PARD3: variants seen among roughly 807,000 people sequenced by gnomAD.
PARD3 encodes the protein par-3 family cell polarity regulator, also known as partitioning defective 3 homolog.
In PARD3, 75 loss-of-function variants were observed where a neutral mutation model predicts 155.4. That is an observed-to-expected ratio of 0.48 (90% CI 0.40 to 0.58). The LOEUF (loss-of-function observed/expected upper bound fraction) is 0.58, where lower values mean the gene tolerates loss of function less well. Among genes scored for constraint, PARD3 ranks in the 20% least tolerant of loss-of-function variants. PARD3 has a pLI of 0.00. For synonymous variants in PARD3, 576 were observed against 610.5 expected (o/e 0.94, Z 0.83); for missense variants, 1,642 against 1,721.7 (o/e 0.95, Z 0.82).
At chr10:34,747,187 T>A (rs998027351) in intron 1 of PARD3, among the ~76,000 whole-genome samples, 2 of 152,252 alleles carry the variant, frequency 1.3e-5, no homozygotes, top group Non-Finnish European at 2.9e-5. Context: ...ATTTTCTGAC[T>A]GGTTTGCTTT....
intron 3 of PARD3, among the ~76,000 whole-genome samples, chr10:34,516,217 A>G (rs1204467256): frequency 1.3e-5 from 2 of 152,150 alleles, no homozygotes; most frequent in East Asian, 1.9e-4. Context: ...CGCCCACCTC[A>G]GCCTCCCAAA....
chr10:34,692,097 T>A (rs564152433), intron 2 of PARD3, among the ~76,000 whole-genome samples: 4 of 152,200 alleles, frequency 2.6e-5, no homozygotes, highest in African/African-American at 9.6e-5. Context: ...CCAGGCATGG[T>A]GACGTGCACC....
intron 1 of PARD3, among the ~76,000 whole-genome samples, chr10:34,737,081 G>A (rs920948344): frequency 1.3e-5 from 2 of 152,300 alleles, no homozygotes; most frequent in African/African-American, 2.4e-5. Flanking sequence ...AGAACAGCAA[G>A]ACACAGTTAC....
At chr10:34,801,091 A>G (rs1842803953) in intron 1 of PARD3, among the ~76,000 whole-genome samples, 1 of 152,248 alleles carries the variant, frequency 6.6e-6, no homozygotes, top group South Asian at 2.1e-4. Context: ...TTTTGAAAGC[A>G]CCATTCATCA....
chr10:34,559,826 T>C (rs1227487069), intron 2 of PARD3, among the ~76,000 whole-genome samples: 1 of 152,178 alleles, frequency 6.6e-6, no homozygotes, highest in Non-Finnish European at 1.5e-5. Flanking sequence ...AAAAACGCAC[T>C]TCTGAGGCTT....
Position 34,450,371 on chromosome 10 carries a change from C to T in PARD3, c.660G>A (p.Ser220=), listed in dbSNP as rs754888987. ...CCATTGGGTGACTGGCACTCAGAGA[C>T]GAGCGAGCATTGTCTCTCTGAAATT... The part of the protein sequence containing the change: ...SNQFQRDNAR[S]SLSASHPMVG... The change falls in exon 5 of 25, where the codon TCG becomes TCA. Residue 220 remains serine (S), a synonymous_variant. Coordinates refer to ENST00000374788, the MANE Select transcript of PARD3 (RefSeq NM_001184785.2). The T allele has an allele frequency of 6.2e-6, 10 of 1,613,808 alleles. No individual in the cohort carries two copies. The highest frequency in any genetic ancestry group is 2.2e-5 in the East Asian group (1 of 44,882).
chr10:34,238,238 T>C (rs1289634914), intron 22 of PARD3, among the ~76,000 whole-genome samples: 1 of 152,212 alleles, frequency 6.6e-6, no homozygotes, highest in African/African-American at 2.4e-5. Context: ...TAATCAAAGC[T>C]GATGATAACT....
chr10:34,145,577 T>C (rs1016431680), intron 22 of PARD3, among the ~76,000 whole-genome samples: 3 of 152,074 alleles, frequency 2.0e-5, no homozygotes, highest in Non-Finnish European at 4.4e-5. Context: ...TTAATACTGA[T>C]ATTGTATTTA....
chr10:34,596,557 T>C (rs1423559284), intron 2 of PARD3, among the ~76,000 whole-genome samples: 1 of 152,146 alleles, frequency 6.6e-6, no homozygotes, highest in African/African-American at 2.4e-5. Context: ...ACTCACACAC[T>C]ATCACAAGAA....
chr10:34,460,543 T>C (rs546841624), intron 4 of PARD3, among the ~76,000 whole-genome samples: 3 of 152,064 alleles, frequency 2.0e-5, no homozygotes, highest in South Asian at 2.1e-4. Flanking sequence ...ACCAATAAAA[T>C]AGGTACAAGG....
At chr10:34,116,708 A>C (rs1410942288) in intron 24 of PARD3, among the ~76,000 whole-genome samples, 1 of 152,240 alleles carries the variant, frequency 6.6e-6, no homozygotes, top group Non-Finnish European at 1.5e-5. Context: ...AAACTTACAT[A>C]ACTCTTTAAT....
chr10:34,227,364 T>C (rs745947563), intron 22 of PARD3, among the ~76,000 whole-genome samples: 1 of 152,174 alleles, frequency 6.6e-6, no homozygotes, highest in Non-Finnish European at 1.5e-5. Context: ...GGCTGGGCGC[T>C]GTGGCTCACG....
chr10:34,423,401 T>C (rs561383960), intron 5 of PARD3, among the ~76,000 whole-genome samples: 353 of 152,222 alleles, frequency 2.3e-3, no homozygotes, highest in African/African-American at 7.7e-3. Context: ...CTGTACAACA[T>C]AGTCACTGTA....
chr10:34,622,735 A>G (rs1564427971), intron 2 of PARD3, among the ~76,000 whole-genome samples: 1 of 151,648 alleles, frequency 6.6e-6, no homozygotes, highest in Non-Finnish European at 1.5e-5. Flanking sequence ...TAATTTTGTT[A>G]GGAGAAAATC....
intron 22 of PARD3, among the ~76,000 whole-genome samples, chr10:34,197,632 C>T (rs1164178823): frequency 1.3e-5 from 2 of 152,204 alleles, no homozygotes; most frequent in Non-Finnish European, 2.9e-5. Flanking sequence ...CTCCAGGTTA[C>T]CTTAAAGTAT....
intron 1 of PARD3, among the ~76,000 whole-genome samples, chr10:34,798,215 G>C (rs1484779252): frequency 6.6e-6 from 1 of 152,068 alleles, no homozygotes; most frequent in Non-Finnish European, 1.5e-5. Context: ...TGTAGTCCTA[G>C]CTACTCAGGA....
intron 2 of PARD3, among the ~76,000 whole-genome samples, chr10:34,619,790 C>G (rs563233628): frequency 6.6e-6 from 1 of 152,274 alleles, no homozygotes; most frequent in South Asian, 2.1e-4. Context: ...CACCCTTTAC[C>G]TGAACTCCCT....
chr10:34,355,625 C>T (rs1014091644), intron 14 of PARD3, among the ~76,000 whole-genome samples: 5 of 151,910 alleles, frequency 3.3e-5, no homozygotes, highest in African/African-American at 1.2e-4. Context: ...GGAGCAAGAG[C>T]AGAGTAAAAA....
intron 19 of PARD3, among the ~76,000 whole-genome samples, chr10:34,326,328 T>C (rs1835026185): frequency 6.6e-6 from 1 of 152,174 alleles, no homozygotes; most frequent in African/African-American, 2.4e-5. Context: ...TTTCTTAAAC[T>C]GCAGGTTAAG....
Sources: gnomAD v4.1 joint callset for allele counts (sites outside exome capture counted in the v4.1 genomes callset) on GRCh38, gnomAD v4.1.1 for gene constraint, MANE v1.5 for transcripts, NCBI Gene and HGNC (gene_info 2026-07-23, HGNC 2026-07-21) for gene names.